The following ZC3H12B variants were observed in gnomAD, a reference collection of about 807,000 sequenced individuals.
ZC3H12B encodes zinc finger CCCH-type containing 12B.
In ZC3H12B, 7 loss-of-function variants were observed where a neutral mutation model predicts 43.9. The observed-to-expected ratio is 0.16, with a 90% CI of 0.09 to 0.30. The LOEUF is 0.30. Among genes scored for constraint, ZC3H12B ranks in the 10% least tolerant of loss-of-function variants. The pLI, the probability that ZC3H12B is intolerant of heterozygous loss-of-function variation, is 1.00. For synonymous variants in ZC3H12B, 222 were observed against 241.7 expected (o/e 0.92, Z 0.76); for missense variants, 475 against 670.2 (o/e 0.71, Z 3.22).
chrX:65,265,440 C>A, the ZC3H12B span, among the ~76,000 whole-genome samples: 1 of 112,200 alleles, frequency 8.9e-6, no homozygotes, highest in Admixed American at 9.4e-5. Context: ...AGCCTACTGG[C>A]AGCCAGGTGG....
At chrX:65,132,937 G>C in the ZC3H12B span, among the ~76,000 whole-genome samples, 1 of 111,774 alleles carries the variant, frequency 8.9e-6, no homozygotes, top group Non-Finnish European at 1.9e-5. Context: ...GAAGGAGTCA[G>C]AGAGCCTTGG....
At chrX:65,253,795 T>C in the ZC3H12B span, among the ~76,000 whole-genome samples, 5 of 112,045 alleles carry the variant, frequency 4.5e-5, no homozygotes, top group East Asian at 1.4e-3. Context: ...CCCACACAGA[T>C]GTGCACCAGC....
At chrX:65,318,546 A>G in the ZC3H12B span, among the ~76,000 whole-genome samples, 3 of 109,266 alleles carry the variant, frequency 2.7e-5, no homozygotes, top group Admixed American at 2.9e-4. Context: ...CAGCCTCCCA[A>G]GTAGCTAGGA....
chrX:65,182,387 C>T, the ZC3H12B span, among the ~76,000 whole-genome samples: 1 of 110,940 alleles, frequency 9.0e-6, no homozygotes, highest in Non-Finnish European at 1.9e-5. Context: ...CCTGCACGTT[C>T]TGCACATGTA....
At chrX:65,299,838 A>G in the ZC3H12B span, among the ~76,000 whole-genome samples, 1 of 112,600 alleles carries the variant, frequency 8.9e-6, no homozygotes, top group Non-Finnish European at 1.9e-5. Context: ...GTGAGTGCCC[A>G]AAGTGTGAGA....
chrX:65,450,878 C>CATATGTGTATATATGTATATAT (rs1569413339), intron 3 of ZC3H12B, among the ~76,000 whole-genome samples: 1 of 82,022 alleles, frequency 1.2e-5, no homozygotes, highest in Non-Finnish European at 2.3e-5. Flanking sequence ...TATATATATA[C>CATATGTGTATATATGTATATAT]ATATGTGTAT....
At chrX:65,269,065 A>G in the ZC3H12B span, among the ~76,000 whole-genome samples, 1 of 112,051 alleles carries the variant, frequency 8.9e-6, no homozygotes, top group Admixed American at 9.5e-5. Context: ...ATATTATCTC[A>G]GCCAGGCACA....
At chrX:65,311,732 T>C in the ZC3H12B span, among the ~76,000 whole-genome samples, 1 of 111,560 alleles carries the variant, frequency 9.0e-6, no homozygotes, top group African/African-American at 3.3e-5. Context: ...TAGCAAAGAC[T>C]TGGAACCAAC....
intron 3 of ZC3H12B, among the ~76,000 whole-genome samples, chrX:65,432,443 C>T (rs2067173635): frequency 1.8e-5 from 2 of 111,730 alleles, no homozygotes; most frequent in Admixed American, 9.5e-5. Flanking sequence ...ATACTCCAAA[C>T]AGCATCTCTA....
At chrX:65,440,924 A>G (rs1057485463) in intron 3 of ZC3H12B, among the ~76,000 whole-genome samples, 3 of 112,581 alleles carry the variant, frequency 2.7e-5, no homozygotes, top group African/African-American at 9.7e-5. Flanking sequence ...TGTTCTATCC[A>G]AATTGGCTTA....
At chrX:65,468,838 C>A (rs926112278) in intron 3 of ZC3H12B, among the ~76,000 whole-genome samples, 2 of 109,124 alleles carry the variant, frequency 1.8e-5, no homozygotes, top group Non-Finnish European at 3.8e-5. Context: ...TTGCTTTGTG[C>A]AGTATGGAAA....
At chrX:65,143,097 T>C in the ZC3H12B span, among the ~76,000 whole-genome samples, 1 of 111,482 alleles carries the variant, frequency 9.0e-6, no homozygotes, top group South Asian at 3.8e-4. Context: ...TTTGGCAGTA[T>C]GGATATTTTC....
At chrX:65,341,476 G>A in the ZC3H12B span, among the ~76,000 whole-genome samples, 2 of 111,414 alleles carry the variant, frequency 1.8e-5, no homozygotes, top group African/African-American at 3.3e-5. Flanking sequence ...TCAGGTCACC[G>A]ACAAAGAGAA....
the ZC3H12B span, among the ~76,000 whole-genome samples, chrX:65,241,847 T>A: frequency 0.037 from 4,132 of 111,506 alleles, 81 homozygotes; most frequent in South Asian, 0.061. Context: ...TCAGCCCTTT[T>A]TTCGGTAGAG....
At chrX:65,345,551 G>A in the ZC3H12B span, among the ~76,000 whole-genome samples, 1 of 111,375 alleles carries the variant, frequency 9.0e-6, no homozygotes, top group Non-Finnish European at 1.9e-5. Flanking sequence ...GGAGGGTGGA[G>A]TGTGGGAGGA....
At chrX:65,292,755 T>C in the ZC3H12B span, among the ~76,000 whole-genome samples, 1 of 110,477 alleles carries the variant, frequency 9.1e-6, no homozygotes, top group African/African-American at 3.3e-5. Flanking sequence ...GAGGCCAAGG[T>C]AGGAGGATTG....
chrX:65,314,465 C>T, the ZC3H12B span, among the ~76,000 whole-genome samples: 1 of 110,671 alleles, frequency 9.0e-6, no homozygotes, highest in African/African-American at 3.3e-5. Flanking sequence ...GATTTTTCAC[C>T]AGAAATCATG....
the ZC3H12B span, chrX:65,272,513 A>C: frequency 1.8e-5 from 2 of 111,981 alleles, no homozygotes; most frequent in Non-Finnish European, 3.8e-5. Context: ...CAATTTAAAT[A>C]GTTCTGGCAA....
intron 3 of ZC3H12B, among the ~76,000 whole-genome samples, chrX:65,431,013 G>A (rs1426428307): frequency 2.7e-5 from 3 of 111,860 alleles, no homozygotes; most frequent in African/African-American, 9.8e-5. Flanking sequence ...GGCCACTTTG[G>A]CCAACTCCCC....
Sources: gnomAD v4.1 joint callset for allele counts (sites outside exome capture counted in the v4.1 genomes callset) on GRCh38, gnomAD v4.1.1 for gene constraint, MANE v1.5 for transcripts, NCBI Gene and HGNC (gene_info 2026-07-23, HGNC 2026-07-21) for gene names.